The following ADAMTS16 variants were observed in gnomAD, a reference collection of about 807,000 sequenced individuals.
ADAMTS16 encodes the protein ADAM metallopeptidase with thrombospondin type 1 motif 16, also known as A disintegrin and metalloproteinase with thrombospondin motifs 16.
Under a neutral mutation model 145.8 loss-of-function variants are expected in ADAMTS16, and 94 were observed. That is an observed-to-expected ratio of 0.64 (90% CI 0.55 to 0.77). The LOEUF is 0.77. ADAMTS16 is among the 30% of genes least tolerant of loss of function. The pLI, the probability that ADAMTS16 is intolerant of heterozygous loss-of-function variation, is 0.00. For synonymous variants in ADAMTS16, 659 were observed against 604.3 expected (o/e 1.09, Z -1.33); for missense variants, 1,585 against 1,591.5 (o/e 1.00, Z 0.07).
chr5:5,255,975 A>G (rs1370368555), intron 17 of ADAMTS16, among the ~76,000 whole-genome samples: 1 of 152,128 alleles, frequency 6.6e-6, no homozygotes, highest in East Asian at 1.9e-4. Flanking sequence ...TACATTCCAC[A>G]GTTTATCTTT....
intron 4 of ADAMTS16, among the ~76,000 whole-genome samples, chr5:5,183,081 T>C (rs1160301803): frequency 1.3e-5 from 2 of 152,116 alleles, no homozygotes; most frequent in African/African-American, 4.8e-5. Context: ...CGAACAAAAA[T>C]CTCTTGGCAC....
chr5:5,273,479 G>T (rs1738564035), intron 18 of ADAMTS16, among the ~76,000 whole-genome samples: 1 of 152,206 alleles, frequency 6.6e-6, no homozygotes, highest in Non-Finnish European at 1.5e-5. Context: ...TGGCACCACT[G>T]CACTCCAGCC....
In ADAMTS16 at chr5:5,306,539, A is replaced by C. The variant is rs1386632188; in HGVS notation, c.3222A>C (p.Arg1074Ser). 1.2e-6 allele frequency: 2 copies of C among 1,613,916 alleles called. No individual in the cohort carries two copies. The highest frequency in any genetic ancestry group is 1.7e-6 in the Non-Finnish European group (2 of 1,179,906). The change falls in exon 21 of 23, where the codon AGA becomes AGC. Residue 1074 changes from arginine (R) to serine (S), a missense_variant. Around this residue, in one of 3 missense-constraint regions of ADAMTS16, gnomAD observed 834 missense variants for 811.7 expected, o/e 1.03. Coordinates refer to ENST00000274181, the MANE Select transcript of ADAMTS16 (RefSeq NM_139056.4). ...SVTCERGTQK[R>S]FLKCAEKYVS... Reference sequence around the variant, plus strand: ...CATGTGAAAGAGGAACACAGAAAAGATTCTTAAAATGTGCTGAAAAGTATG... The same window carrying C: ...CATGTGAAAGAGGAACACAGAAAAGCTTCTTAAAATGTGCTGAAAAGTATG...
intron 13 of ADAMTS16, among the ~76,000 whole-genome samples, chr5:5,235,503 G>T (rs578093398): frequency 2.0e-5 from 3 of 152,250 alleles, no homozygotes; most frequent in Admixed American, 2.0e-4. Flanking sequence ...GTATGTTTTT[G>T]AATTAAGAAT....
intron 3 of ADAMTS16, among the ~76,000 whole-genome samples, chr5:5,181,240 C>A (rs1735329943): frequency 6.6e-6 from 1 of 152,182 alleles, no homozygotes; most frequent in Non-Finnish European, 1.5e-5. Context: ...GATATATGGG[C>A]TGGCCCTGGG....
Position 5,152,591 on chromosome 5 carries a change from G to T in ADAMTS16, c.501+6136G>T, listed in dbSNP as rs988549578. 5.3e-5 allele frequency among the ~76,000 whole-genome samples: 8 copies of T among 152,334 alleles called. No individual in the cohort carries two copies. The East Asian group carries it at 1.5e-3, about 29-fold the overall frequency. On this transcript the variant is annotated intron_variant, in intron 3 of 22. Coordinates refer to ENST00000274181, the MANE Select transcript of ADAMTS16 (RefSeq NM_139056.4). ...GAGTCTCAGAATAGAAGTTGGCTGG[G>T]GGTAAGGAAATAGGGATTCCTTATC...
intron 20 of ADAMTS16, among the ~76,000 whole-genome samples, chr5:5,304,822 T>C (rs1739961095): frequency 6.6e-6 from 1 of 152,002 alleles, no homozygotes; most frequent in African/African-American, 2.4e-5. Flanking sequence ...CGCACTGTCA[T>C]TGGAAAAGAC....
intron 18 of ADAMTS16, among the ~76,000 whole-genome samples, chr5:5,291,633 G>A (rs1387307129): frequency 2.6e-5 from 4 of 152,018 alleles, no homozygotes; most frequent in Admixed American, 6.6e-5. Context: ...CATCCTGACC[G>A]CAGAGCCACG....
At chr5:5,169,738 G>A (rs556911751) in intron 3 of ADAMTS16, among the ~76,000 whole-genome samples, 163 of 152,252 alleles carry the variant, frequency 1.1e-3, no homozygotes, top group African/African-American at 3.6e-3. Context: ...GAAGCAGGTC[G>A]TCCACGCCCA....
intron 10 of ADAMTS16, among the ~76,000 whole-genome samples, chr5:5,210,192 AT>A (rs201133936): frequency 1.5e-4 from 22 of 151,402 alleles, no homozygotes; most frequent in African/African-American, 4.9e-4. Context: ...TCCCTGAGAA[AT>A]TTTTTTTTTA....
chr5:5,205,507 C>T (rs1167247599), intron 9 of ADAMTS16, among the ~76,000 whole-genome samples: 1 of 152,162 alleles, frequency 6.6e-6, no homozygotes, highest in Admixed American at 6.5e-5. Context: ...CAATGATTTT[C>T]CTTTCTGCAC....
At chr5:5,287,863 C>T (rs914780442) in intron 18 of ADAMTS16, among the ~76,000 whole-genome samples, 3 of 152,168 alleles carry the variant, frequency 2.0e-5, no homozygotes, top group Non-Finnish European at 4.4e-5. Flanking sequence ...ACCCTCACAG[C>T]CCACGCACTG....
At chr5:5,280,528 T>G (rs1368818342) in intron 18 of ADAMTS16, among the ~76,000 whole-genome samples, 1 of 152,088 alleles carries the variant, frequency 6.6e-6, no homozygotes, top group Non-Finnish European at 1.5e-5. Flanking sequence ...GTTGGGAAAG[T>G]GTCTTGGAAT....
chr5:5,303,425 T>A lies in ADAMTS16; in HGVS notation c.2947T>A (p.Ser983Thr). 1 of 1,610,660 alleles carries A rather than the reference T, an allele frequency of 6.2e-7. No individual in the cohort carries two copies. The highest frequency in any genetic ancestry group is 2.2e-5 in the East Asian group (1 of 44,802). ...PAPSSRQACNSQSCPPAWSAG... is the reference protein window; with the variant it reads ...PAPSSRQACNTQSCPPAWSAG... ...TCCCTCCAGCAGGCAGGCCTGCAAC[T>A]CTCAGAGCTGCCCACCTGCATGGAG... is the stretch of plus-strand genomic sequence containing the variant. Residue 983 changes from serine to threonine, a missense_variant, in exon 19 of 23, where the codon TCT (serine) becomes ACT (threonine). Coordinates refer to ENST00000274181, the MANE Select transcript of ADAMTS16 (RefSeq NM_139056.4).
intron 3 of ADAMTS16, among the ~76,000 whole-genome samples, chr5:5,178,726 C>T (rs1258713729): frequency 2.0e-5 from 3 of 152,118 alleles, no homozygotes; most frequent in Admixed American, 6.5e-5. Flanking sequence ...GACACCTTTG[C>T]CTGGGGATCC....
chr5:5,307,056 G>A (rs1425573776), intron 21 of ADAMTS16, among the ~76,000 whole-genome samples: 3 of 152,164 alleles, frequency 2.0e-5, no homozygotes, highest in East Asian at 1.9e-4. Flanking sequence ...AAAGGAATGC[G>A]AGCCCTGGGA....
intron 9 of ADAMTS16, among the ~76,000 whole-genome samples, chr5:5,206,948 A>C (rs1736142974): frequency 2.0e-5 from 3 of 152,142 alleles, no homozygotes; most frequent in South Asian, 4.1e-4. Context: ...CTATTTGTCC[A>C]TTCTTTGTAA....
At chr5:5,184,386 G>T (rs1396889653) in intron 4 of ADAMTS16, among the ~76,000 whole-genome samples, 1 of 152,106 alleles carries the variant, frequency 6.6e-6, no homozygotes, top group Non-Finnish European at 1.5e-5. Context: ...ACCTATGCAC[G>T]GACACATCCT....
chr5:5,257,523 C>CGTAATGCAAACGGCAAT (rs1371095381), intron 17 of ADAMTS16, among the ~76,000 whole-genome samples: 5 of 152,244 alleles, frequency 3.3e-5, no homozygotes, highest in Non-Finnish European at 5.9e-5. Context: ...CAAACTGCAA[C>CGTAATGCAAACGGCAAT]GTAATGCAAA....
Sources: allele counts gnomAD v4.1 joint callset (sites outside exome capture counted in the v4.1 genomes callset), GRCh38; gene constraint gnomAD v4.1.1; regional missense constraint gnomAD v4.1.1; transcripts MANE v1.5; gene names NCBI Gene and HGNC (gene_info 2026-07-23, HGNC 2026-07-21).